ARHGEF10L: variants seen among roughly 807,000 people sequenced by gnomAD.
ARHGEF10L encodes the protein rho guanine nucleotide exchange factor 10-like protein.
ARHGEF10L carries 69 observed loss-of-function variants against 141.2 expected under a neutral mutation model. The ratio of observed to expected loss-of-function variants is 0.49; its 90% CI spans 0.40 to 0.60. The LOEUF is 0.60. Among genes scored for constraint, ARHGEF10L ranks in the 20% least tolerant of loss-of-function variants. The pLI is 0.00. For synonymous variants in ARHGEF10L, 711 were observed against 718.5 expected, an observed-to-expected ratio of 0.99 and a Z score of 0.17; for missense variants, 1,482 against 1,734.3, an observed-to-expected ratio of 0.85 and a Z score of 2.58.
chr1:17,636,837 G>A (rs1163090990), intron 18 of ARHGEF10L, among the ~76,000 whole-genome samples: 4 of 152,058 alleles, frequency 2.6e-5, no homozygotes, highest in African/African-American at 7.2e-5. Flanking sequence ...GGCTTCATAA[G>A]ACCTCAGTGT....
rs2065601968 is a variant in ARHGEF10L, at chr1:17,697,621, C to CA, written c.*247dup. 3.0e-6 allele frequency: 2 copies of CA among 656,434 alleles called. No homozygotes were observed. The highest frequency in any genetic ancestry group is 5.6e-6 in the Non-Finnish European group (2 of 358,010). 40.7% of individuals were successfully genotyped at this position (656,434 alleles called of 1,614,324 possible). A position where few individuals can be genotyped will look rare whatever the true frequency, so the allele number is the denominator to read the frequency against. ...GAGGAAATGGCCTTCTTTTTAAAAG[C>CA]AAAAAACACAAAACCTCACAACTGC... On this transcript the variant is annotated 3_prime_UTR_variant, in exon 29 of 29. Coordinates refer to ENST00000361221, the MANE Select transcript of ARHGEF10L (RefSeq NM_018125.4). This position sits in a 1 kb window ranked among gnomAD's most constrained non-coding sequence, Gnocchi z 4.8.
chr1:17,653,277 C>T (rs1037154183), intron 22 of ARHGEF10L, among the ~76,000 whole-genome samples: 4 of 152,236 alleles, frequency 2.6e-5, no homozygotes, highest in African/African-American at 7.2e-5. Flanking sequence ...TTCACAGCTT[C>T]GTGCTCCCCT....
At chr1:17,569,054 A>G (rs1170051616) in intron 1 of ARHGEF10L, among the ~76,000 whole-genome samples, 2 of 152,202 alleles carry the variant, frequency 1.3e-5, no homozygotes, top group Non-Finnish European at 2.9e-5. Flanking sequence ...GGGTCTAATC[A>G]TGGATCCACC....
At chr1:17,692,984 C>T (rs971507071) in intron 27 of ARHGEF10L, among the ~76,000 whole-genome samples, 1 of 152,208 alleles carries the variant, frequency 6.6e-6, no homozygotes, top group Non-Finnish European at 1.5e-5. Flanking sequence ...GCCTCCCTAT[C>T]CTTCCAGGAA....
intron 1 of ARHGEF10L, among the ~76,000 whole-genome samples, chr1:17,546,172 G>A (rs576079931): frequency 6.6e-6 from 1 of 152,258 alleles, no homozygotes; most frequent in South Asian, 2.1e-4. Context: ...AGGTTTCTTG[G>A]TAGTTTCCTG....
the ARHGEF10L span, among the ~76,000 whole-genome samples, chr1:17,517,704 AGGCTGGAGTACAAT>A: frequency 8.6e-5 from 13 of 151,720 alleles, no homozygotes; most frequent in Non-Finnish European, 7.4e-5. Flanking sequence ...TCTGTCACCC[AGGCTGGAGTACAAT>A]GGCACGATCT....
At chr1:17,618,575 GCTT>G (rs1343916069) in intron 9 of ARHGEF10L, 9 of 1,267,452 alleles carry the variant, frequency 7.1e-6, no homozygotes, top group African/African-American at 6.3e-5. Context: ...GGTTGCTGCC[GCTT>G]CTTCTTTCCT....
chr1:17,691,177 C>CAGAT, intron 27 of ARHGEF10L: 1 of 454,266 alleles, frequency 2.2e-6, no homozygotes. Context: ...TGTATATCTC[C>CAGAT]AGATAGATGG....
Position 17,662,339 on chromosome 1 carries a change from C to T in ARHGEF10L, c.2861-2108C>T, listed in dbSNP as rs533757150. Among the ~76,000 whole-genome samples the T allele has an allele frequency of 2.6e-5, 4 of 152,312 alleles. No individual in the cohort carries two copies. In the East Asian group the frequency reaches 7.7e-4, roughly 29 times the overall value. On this transcript the variant is annotated intron_variant, in intron 25 of 28. Transcript: ENST00000361221. Reference sequence around the variant, plus strand: ...TATTCTTGCATATTGTATTGACTCCCTGCAACATCCGGAGAAGGGCAGGCG... The same window carrying T: ...TATTCTTGCATATTGTATTGACTCCTTGCAACATCCGGAGAAGGGCAGGCG...
Position 17,697,524 on chromosome 1 carries a change from GT to G in ARHGEF10L, c.*148del, listed in dbSNP as rs1251814834. On this transcript the variant is annotated 3_prime_UTR_variant, in exon 29 of 29. Coordinates refer to ENST00000361221, the MANE Select transcript of ARHGEF10L (RefSeq NM_018125.4). This position sits in a 1 kb window ranked among gnomAD's most constrained non-coding sequence, Gnocchi z 4.8. The stretch of plus-strand genomic sequence containing the variant: ...TGGGCAGAGCAAAGGAAAACCTCTT[GT>G]TTTAAAAAAATTTTTTTCAGAGTGT... 2.5e-6 allele frequency: 3 copies of G among 1,203,050 alleles called. No individual in the cohort carries two copies. The highest frequency in any genetic ancestry group is 3.1e-5 in the African/African-American group (2 of 64,918). 74.5% of individuals were successfully genotyped at this position (1,203,050 alleles called of 1,614,324 possible). A position where few individuals can be genotyped will look rare whatever the true frequency, so the allele number is the denominator to read the frequency against.
intron 1 of ARHGEF10L, among the ~76,000 whole-genome samples, chr1:17,553,993 G>T (rs927846697): frequency 2.5e-4 from 38 of 152,136 alleles, no homozygotes; most frequent in African/African-American, 8.4e-4. Context: ...TCAAGTGATT[G>T]CATGACCTGT....
rs1364982165 is a variant in ARHGEF10L at position 17,626,035 on chromosome 1, T to C, written c.1397T>C (p.Ile466Thr). Residue 466 changes from isoleucine (I) to threonine (T), a missense_variant, in exon 14 of 29, where the codon ATA becomes ACA. By Grantham distance (89) the Ile-to-Thr change is moderately conservative. Coordinates refer to ENST00000361221, the MANE Select transcript of ARHGEF10L (RefSeq NM_018125.4). ...CCCATCCAGAGGTTCCCACAGTTCA[T>C]ACTCCTGCTTCAGGTACTGCTCAGG... is the stretch of plus-strand genomic sequence containing the variant. ...VKPIQRFPQF[I>T]LLLQDMLKNT... is the part of the protein sequence containing the mutation. 19 of 1,613,784 alleles carry C rather than the reference T, an allele frequency of 1.2e-5. No homozygotes were observed. Among genetic ancestry groups the C allele is most frequent in the African/African-American group, 6.7e-5 (5 of 74,900 alleles).
chr1:17,598,029 T>A (rs2080282660), intron 4 of ARHGEF10L, among the ~76,000 whole-genome samples: 1 of 152,206 alleles, frequency 6.6e-6, no homozygotes, highest in Admixed American at 6.5e-5. Context: ...CGCTTTCTCT[T>A]GGACAGTGTC....
At chr1:17,609,968 A>C (rs1335988860) in intron 7 of ARHGEF10L, among the ~76,000 whole-genome samples, 3 of 152,156 alleles carry the variant, frequency 2.0e-5, no homozygotes, top group Non-Finnish European at 4.4e-5. Context: ...GTGTGACCAG[A>C]TGGGGCTCTC....
chr1:17,655,982 T>C lies in ARHGEF10L; in HGVS notation c.2585T>C (p.Leu862Pro). 1.3e-6 allele frequency: 2 copies of C among 1,568,026 alleles called. No individual in the cohort carries two copies. The highest frequency in any genetic ancestry group is 1.7e-6 in the Non-Finnish European group (2 of 1,155,506). Residue 862 changes from leucine to proline, a missense_variant, in exon 24 of 29, where the codon CTC becomes CCC. By Grantham distance (98) the Leu-to-Pro change is moderately conservative. Around this residue, in one of 3 missense-constraint regions of ARHGEF10L, gnomAD observed 858 missense variants for 966.3 expected, o/e 0.89. Transcript: ENST00000361221. The part of the protein sequence containing the change: ...VKSFPLAAPV[L>P]CMEYIPELEE... The stretch of plus-strand genomic sequence containing the variant: ...TCCTTCCCACTGGCAGCCCCTGTGC[T>C]CTGCATGGAGTATATCCCGGAGCTG...
rs749154588 is a variant in ARHGEF10L at position 17,677,800 on chromosome 1, T to C, written c.3010-9773T>C. On this transcript the variant is annotated intron_variant, in intron 26 of 28. Coordinates refer to ENST00000361221, the MANE Select transcript of ARHGEF10L (RefSeq NM_018125.4). ...AGTGGTGGGGTCAGGAGCTGAACCCTGTAGGTCTGCCTCCGGGCCTGTGGG... is the reference window on the plus strand; with the variant it reads ...AGTGGTGGGGTCAGGAGCTGAACCCCGTAGGTCTGCCTCCGGGCCTGTGGG... Among the ~76,000 whole-genome samples the C allele has an allele frequency of 2.2e-4, 33 of 152,330 alleles. No individual in the cohort carries two copies. In the South Asian group the frequency reaches 4.1e-3, roughly 19 times the overall value.
rs1198086552 is a variant in ARHGEF10L, at chr1:17,558,954, T to G, written c.-44+19004T>G. Among the ~76,000 whole-genome samples, 1 of 152,144 alleles carries G rather than the reference T, an allele frequency of 6.6e-6. No individual in the cohort carries two copies. Among genetic ancestry groups the G allele is most frequent in the Non-Finnish European group, 1.5e-5 (1 of 68,024 alleles). On this transcript the variant is annotated intron_variant, in intron 1 of 28. Coordinates refer to ENST00000361221, the MANE Select transcript of ARHGEF10L (RefSeq NM_018125.4). This position sits in a 1 kb window ranked among gnomAD's most constrained non-coding sequence, Gnocchi z 4.2. ...TCTTTTCTTGTGTAGATTGGAGCCT[T>G]TGCATTCATGAAAGCTGATGACTCC...
At chr1:17,629,978 G>C (rs1216375993) in intron 15 of ARHGEF10L, among the ~76,000 whole-genome samples, 2 of 152,254 alleles carry the variant, frequency 1.3e-5, no homozygotes, top group Non-Finnish European at 2.9e-5. Flanking sequence ...GCCCTGGCTG[G>C]AGGTAAGGGA....
In ARHGEF10L at chr1:17,603,289, C is replaced by T. The variant is rs2080863428; in HGVS notation, c.350-219C>T. Among the ~76,000 whole-genome samples, 1 of 117,200 alleles carries T rather than the reference C, an allele frequency of 8.5e-6. No individual in the cohort carries two copies. Among genetic ancestry groups the T allele is most frequent in the Non-Finnish European group, 1.6e-5 (1 of 60,964 alleles). 76.9% of individuals were successfully genotyped at this position (117,200 alleles called of 152,430 possible). On this transcript the variant is annotated intron_variant, in intron 5 of 28. Transcript: ENST00000361221. This position sits in a 1 kb window ranked among gnomAD's most constrained non-coding sequence, Gnocchi z 4.8. Reference sequence around the variant, plus strand: ...AGCAGGGAGCCAGGTGGGGTCTGTGCAGTCACTGGGAGGGCGCCTTGGAGG... The same window carrying T: ...AGCAGGGAGCCAGGTGGGGTCTGTGTAGTCACTGGGAGGGCGCCTTGGAGG...
Sources: gnomAD v4.1 joint callset for allele counts (sites outside exome capture counted in the v4.1 genomes callset) on GRCh38, gnomAD v4.1.1 for gene constraint, gnomAD v4.1.1 regional missense constraint, Gnocchi (gnomAD v3.1) non-coding constraint, MANE v1.5 for transcripts, NCBI Gene and HGNC (gene_info 2026-07-23, HGNC 2026-07-21) for gene names.